Variants in EPN3 observed in about 807,000 individuals in gnomAD.
EPN3 encodes the protein epsin 3.
In EPN3, 56 loss-of-function variants were observed where a neutral mutation model predicts 55.5. The ratio of observed to expected loss-of-function variants is 1.01; its 90% CI spans 0.81 to 1.26. The LOEUF is 1.26. Ranked by LOEUF, EPN3 falls within the 50% of genes most tolerant of loss-of-function variation. The probability of loss-of-function intolerance (pLI) is 0.00; values close to 1 mark genes in which losing one functional copy is unlikely to be tolerated. For synonymous variants in EPN3, 449 were observed against 375.2 expected, an observed-to-expected ratio of 1.20 and a Z score of -2.27; for missense variants, 927 against 853.4, an observed-to-expected ratio of 1.09 and a Z score of -1.07.
intron 3 of EPN3, 42 bp downstream of exon 3, chr17:50,538,239 T>C (rs772457376): frequency 6.5e-7 from 1 of 1,529,680 alleles, no homozygotes; most frequent in East Asian, 2.3e-5. Context: ...GGGGATGGGC[T>C]AGGGGGAGAG....
At position 50,541,157 on chromosome 17, in the gene EPN3, T is replaced by A. The variant is rs1463880575; in HGVS notation, c.1250-72T>A. 18 of 1,604,364 alleles carry A rather than the reference T, an allele frequency of 1.1e-5. No individual in the cohort carries two copies. The East Asian group carries it at 4.0e-4, about 36-fold the overall frequency. On this transcript the variant is annotated intron_variant, in intron 7 of 9. Coordinates refer to ENST00000268933, the MANE Select transcript of EPN3 (RefSeq NM_017957.3). ...TACTGTTTGTGTTAGGAGGACAGCT[T>A]CTCTGGAAAGGGGTCAGACCAACAC... is the stretch of plus-strand genomic sequence containing the variant.
chr17:50,538,274 G>A (rs1761082348), intron 3 of EPN3, 77 bp downstream of exon 3: 1 of 1,164,426 alleles, frequency 8.6e-7, no homozygotes, highest in Admixed American at 2.0e-5. Context: ...CCTTGGCCTT[G>A]ACTCAGGCTC....
At chr17:50,540,367 C>T in intron 6 of EPN3, 33 bp downstream of exon 6, 4 of 1,585,364 alleles carry the variant, frequency 2.5e-6, no homozygotes, top group Middle Eastern at 1.7e-4. Context: ...GACTTCCAGG[C>T]TGGCCCAAGA....
In EPN3 at chr17:50,532,961, G is replaced by C; in HGVS notation, c.-161G>C. On this transcript the variant is annotated 5_prime_UTR_variant, in exon 1 of 10. Coordinates refer to ENST00000268933, the MANE Select transcript of EPN3 (RefSeq NM_017957.3). ...CGCAGAGGCTACTCGGGCTGGGGCT[G>C]GGGCCGAGGGAGCCCGCACTGGAGG... 7.8e-7 allele frequency: 1 copy of C among 1,285,578 alleles called. No homozygotes were observed. Among genetic ancestry groups the C allele is most frequent in the Non-Finnish European group, 1.0e-6 (1 of 987,292 alleles). 79.6% of individuals were successfully genotyped at this position (1,285,578 alleles called of 1,614,324 possible). A position where few individuals can be genotyped will look rare whatever the true frequency, so the allele number is the denominator to read the frequency against.
chr17:50,539,446 G>C (rs767325782), intron 5 of EPN3, 131 bp downstream of exon 5: 5 of 1,346,622 alleles, frequency 3.7e-6, no homozygotes, highest in Admixed American at 2.3e-5. Flanking sequence ...ATAGGGGTGG[G>C]GGTGTAGCAG....
intron 2 of EPN3, 74 bp downstream of exon 2, chr17:50,537,192 A>G: frequency 1.4e-6 from 2 of 1,384,832 alleles, no homozygotes; most frequent in South Asian, 1.4e-5. Flanking sequence ...AATCCAAGCC[A>G]TGGTTCATAA....
intron 8 of EPN3, 53 bp from the exon 9 acceptor site, chr17:50,541,411 C>G: frequency 6.2e-7 from 1 of 1,607,448 alleles, no homozygotes; most frequent in Non-Finnish European, 8.5e-7. Context: ...CTTCCTCCCA[C>G]GTCGGGCGCC....
rs143977941 is a variant in EPN3, at chr17:50,538,063, A to T, written c.563-16A>T. On this transcript the variant is annotated splice_polypyrimidine_tract_variant and intron_variant, in intron 2 of 9. Transcript: ENST00000268933. Reference sequence around the variant, plus strand: ...TGGGTAATCGTGTGGTCACAGAGACATGATGGTCATTGCAGCCTCCTCTTC... The same window carrying T: ...TGGGTAATCGTGTGGTCACAGAGACTTGATGGTCATTGCAGCCTCCTCTTC... 20 of 1,600,994 alleles carry T rather than the reference A, an allele frequency of 1.2e-5. No homozygotes were observed. The Admixed American group carries it at 3.3e-4, about 27-fold the overall frequency.
Position 50,537,026 on chromosome 17 carries a change from A to T in EPN3, c.470A>T (p.Glu157Val). Residue 157 changes from glutamate (E) to valine (V), a missense_variant, in exon 2 of 10, where the codon GAG (glutamate) becomes GTG (valine). Physicochemically the swap from Glu to Val is moderately radical, Grantham distance 121. Coordinates refer to ENST00000268933, the MANE Select transcript of EPN3 (RefSeq NM_017957.3). ...ALKTKERMAL[E>V]GIGIGSGQLG... is the part of the protein sequence containing the mutation. ...AAGACCAAGGAGCGCATGGCACTGG[A>T]GGGCATCGGCATTGGCAGTGGGCAG... 1 of 1,613,160 alleles carries T rather than the reference A, an allele frequency of 6.2e-7. No individual in the cohort carries two copies.
chr17:50,538,048 T>G, intron 2 of EPN3, 31 bp from the exon 3 acceptor site: 1 of 1,557,300 alleles, frequency 6.4e-7, no homozygotes, highest in Non-Finnish European at 8.9e-7. Flanking sequence ...TGGGTAATCG[T>G]GTGGTCACAG....
chr17:50,538,958 C>T lies in EPN3; in HGVS notation c.756C>T (p.His252=), dbSNP rs147866360. Residue 252 remains histidine, a synonymous_variant, in exon 4 of 10, where the codon CAC becomes CAT. Coordinates refer to ENST00000268933, the MANE Select transcript of EPN3 (RefSeq NM_017957.3). The part of the protein sequence containing the change: ...QLALRLSRQE[H]EKEVRSWQGD... ...CTCTGCGCCTGAGCCGGCAGGAGCA[C>T]GAGAAGGTAGTGGGCCGAGCCCGCT... 4.6e-5 allele frequency: 73 copies of T among 1,604,272 alleles called. No homozygotes were observed. Among genetic ancestry groups the T allele is most frequent in the East Asian group, 8.9e-5 (4 of 44,708 alleles).
chr17:50,534,474 C>T (rs895087916), intron 1 of EPN3: 23 of 985,400 alleles, frequency 2.3e-5, no homozygotes, highest in Non-Finnish European at 2.7e-5. Context: ...GTGTGCTGGG[C>T]GGGCTTTGGT....
In EPN3 at chr17:50,540,988, A is replaced by G; in HGVS notation, c.1175A>G (p.Asn392Ser). ...GPPTTDPWAL[N>S]SPHHKLPSTG... ...CCCACCACAGACCCCTGGGCCCTGA[A>G]CTCTCCCCACCACAAACTCCCCAGC... The change falls in exon 7 of 10, where the codon AAC becomes AGC. Residue 392 changes from asparagine (N) to serine (S), a missense_variant. Physicochemically the swap from Asn to Ser is conservative, Grantham distance 46. Coordinates refer to ENST00000268933, the MANE Select transcript of EPN3 (RefSeq NM_017957.3). 1 of 1,608,940 alleles carries G rather than the reference A, an allele frequency of 6.2e-7. No homozygotes were observed. The highest frequency in any genetic ancestry group is 8.5e-7 in the Non-Finnish European group (1 of 1,178,072).
intron 3 of EPN3, 86 bp downstream of exon 3, chr17:50,538,283 T>G (rs1384726963): frequency 3.8e-6 from 4 of 1,039,118 alleles, no homozygotes; most frequent in Non-Finnish European, 5.7e-6. Flanking sequence ...TGACTCAGGC[T>G]CTGTCACCCA....
chr17:50,538,517 T>C, intron 3 of EPN3: 1 of 437,926 alleles, frequency 2.3e-6, no homozygotes, highest in Non-Finnish European at 4.0e-6. Flanking sequence ...GGGATATGCT[T>C]CCCACCCCCG....
At position 50,542,212 on chromosome 17, in the gene EPN3, C is replaced by T. The variant is rs983321421; in HGVS notation, c.*55C>T. Reference sequence around the variant, plus strand: ...CTGCGCCGGACGCTCCGCGGCCCCGCCTCCGGACCCGGGGCTGGGCGGGGC... The same window carrying T: ...CTGCGCCGGACGCTCCGCGGCCCCGTCTCCGGACCCGGGGCTGGGCGGGGC... On this transcript the variant is annotated 3_prime_UTR_variant, in exon 10 of 10. Transcript: ENST00000268933. 3 of 1,408,516 alleles carry T rather than the reference C, an allele frequency of 2.1e-6. No individual in the cohort carries two copies. The highest frequency in any genetic ancestry group is 3.0e-5 in the African/African-American group (2 of 65,768). The allele number at this position is 1,408,516 out of a possible 1,614,324, so 87.3% of individuals were successfully genotyped here.
In EPN3 at chr17:50,542,068, G is replaced by C. The variant is rs1368635726; in HGVS notation, c.1810G>C (p.Ala604Pro). 1 of 1,586,870 alleles carries C rather than the reference G, an allele frequency of 6.3e-7. No individual in the cohort carries two copies. Among genetic ancestry groups the C allele is most frequent in the Admixed American group, 1.7e-5 (1 of 59,232 alleles). ...ASVSVFPQAG[A>P]FAPQPLLPTP... ...GGTTAGCGTCTTCCCGCAGGCCGGAGCCTTCGCACCGCAGCCGCTGCTGCC... is the reference window on the plus strand; with the variant it reads ...GGTTAGCGTCTTCCCGCAGGCCGGACCCTTCGCACCGCAGCCGCTGCTGCC... The change falls in exon 10 of 10, where the codon GCC becomes CCC. Residue 604 changes from alanine (A) to proline (P), a missense_variant. Physicochemically the swap from Ala to Pro is conservative, Grantham distance 27. Transcript: ENST00000268933.
rs1014575595 is a variant in EPN3, at chr17:50,543,375, G to A, written c.*1218G>A. 1 of 152,282 alleles carries A rather than the reference G, an allele frequency of 6.6e-6. No individual in the cohort carries two copies. The highest frequency in any genetic ancestry group is 2.4e-5 in the African/African-American group (1 of 41,452). 9.4% of individuals were successfully genotyped at this position (152,282 alleles called of 1,614,324 possible). The stretch of plus-strand genomic sequence containing the variant: ...GAGGCCTGGTACTCAATCCAGGAGG[G>A]GCCCCTATGACCACCCTCGCCTGTT... On this transcript the variant is annotated 3_prime_UTR_variant, in exon 10 of 10. Coordinates refer to ENST00000268933, the MANE Select transcript of EPN3 (RefSeq NM_017957.3).
At position 50,537,000 on chromosome 17, in the gene EPN3, C is replaced by T; in HGVS notation, c.444C>T (p.Leu148=). 2 of 1,613,630 alleles carry T rather than the reference C, an allele frequency of 1.2e-6. No individual in the cohort carries two copies. The highest frequency in any genetic ancestry group is 1.7e-6 in the Non-Finnish European group (2 of 1,179,986). ...TGCGGCAGGAGCGAACCCACGCCCTCAAGACCAAGGAGCGCATGGCACTGG... is the reference window on the plus strand; with the variant it reads ...TGCGGCAGGAGCGAACCCACGCCCTTAAGACCAAGGAGCGCATGGCACTGG... ...ERLRQERTHA[L]KTKERMALEG... is the part of the protein sequence containing the mutation. Residue 148 remains leucine, a synonymous_variant, in exon 2 of 10, where the codon CTC becomes CTT. Coordinates refer to ENST00000268933, the MANE Select transcript of EPN3 (RefSeq NM_017957.3).
Sources: gnomAD v4.1 joint callset for allele counts on GRCh38, gnomAD v4.1.1 for gene constraint, MANE v1.5 for transcripts, NCBI Gene and HGNC (gene_info 2026-07-23, HGNC 2026-07-21) for gene names.